Variants in KCNMA1 observed in about 807,000 individuals in gnomAD.
KCNMA1 encodes potassium calcium-activated channel subfamily M alpha 1.
Under a neutral mutation model 140.0 loss-of-function variants are expected in KCNMA1, and 29 were observed. The observed-to-expected ratio is 0.21, with a 90% confidence interval of 0.15 to 0.28. The LOEUF is 0.28. Among genes scored for constraint, KCNMA1 ranks in the 10% least tolerant of loss-of-function variants. The probability of loss-of-function intolerance (pLI) is 1.00; values close to 1 mark genes in which losing one functional copy is unlikely to be tolerated. For synonymous variants in KCNMA1, 612 were observed against 611.9 expected, an observed-to-expected ratio of 1.00 and a Z score of 0.00; for missense variants, 880 against 1,602.2, an observed-to-expected ratio of 0.55 and a Z score of 7.70.
At chr10:77,357,320 T>C (rs2093580437) in intron 2 of KCNMA1, among the ~76,000 whole-genome samples, 1 of 152,218 alleles carries the variant, frequency 6.6e-6, no homozygotes, top group Non-Finnish European at 1.5e-5. Flanking sequence ...TTGCCATCAG[T>C]TAACAGATCC....
At chr10:77,619,314 GTCTCTCTCTC>G (rs61564819) in intron 1 of KCNMA1, among the ~76,000 whole-genome samples, 1,044 of 91,540 alleles carry the variant, frequency 0.011, 13 homozygotes, top group African/African-American at 0.066. Flanking sequence ...CTGTCTGTCT[GTCTCTCTCTC>G]TCTCTCTCTC....
At chr10:77,455,011 G>A (rs985579540) in intron 1 of KCNMA1, among the ~76,000 whole-genome samples, 1 of 152,204 alleles carries the variant, frequency 6.6e-6, no homozygotes, top group African/African-American at 2.4e-5. Flanking sequence ...CCTTGTGGCA[G>A]TTGGCTTTAA....
intron 1 of KCNMA1, among the ~76,000 whole-genome samples, chr10:77,485,445 G>A (rs183863648): frequency 1.8e-4 from 28 of 152,290 alleles, no homozygotes; most frequent in East Asian, 5.8e-4. Flanking sequence ...CTGACCGAGC[G>A]TGTCTGAAGA....
At chr10:77,148,118 C>T (rs1253330886) in intron 5 of KCNMA1, among the ~76,000 whole-genome samples, 1 of 152,168 alleles carries the variant, frequency 6.6e-6, no homozygotes, top group Non-Finnish European at 1.5e-5. Context: ...CCTCATCCTG[C>T]ACCTGCCATG....
At chr10:77,623,373 T>A (rs2091871735) in intron 1 of KCNMA1, among the ~76,000 whole-genome samples, 1 of 152,144 alleles carries the variant, frequency 6.6e-6, no homozygotes, top group Non-Finnish European at 1.5e-5. Flanking sequence ...CAATCACTAT[T>A]GTCTAAATTT....
intron 2 of KCNMA1, among the ~76,000 whole-genome samples, chr10:77,349,841 T>A (rs540168304): frequency 6.6e-6 from 1 of 152,342 alleles, no homozygotes; most frequent in South Asian, 2.1e-4. Flanking sequence ...GTCCATTTTT[T>A]TAAAGAGCTC....
intron 3 of KCNMA1, among the ~76,000 whole-genome samples, chr10:77,191,805 G>C (rs186571120): frequency 1.3e-5 from 2 of 152,188 alleles, no homozygotes; most frequent in Admixed American, 6.5e-5. Flanking sequence ...CTGCAGTACT[G>C]ATCGATTATG....
At chr10:77,354,842 G>C (rs1375739187) in intron 2 of KCNMA1, among the ~76,000 whole-genome samples, 1 of 152,182 alleles carries the variant, frequency 6.6e-6, no homozygotes, top group Non-Finnish European at 1.5e-5. Flanking sequence ...TTATGTCTTG[G>C]AGCTATATAG....
At chr10:77,621,025 G>A (rs760266157) in intron 1 of KCNMA1, among the ~76,000 whole-genome samples, 184 of 152,316 alleles carry the variant, frequency 1.2e-3, no homozygotes, top group South Asian at 3.3e-3. Flanking sequence ...ATAAAGATTT[G>A]CTAACTAACC....
At chr10:77,560,902 T>C (rs1404089413) in intron 1 of KCNMA1, among the ~76,000 whole-genome samples, 2 of 152,258 alleles carry the variant, frequency 1.3e-5, no homozygotes, top group South Asian at 2.1e-4. Flanking sequence ...AGCAAACAAC[T>C]AGATCTTTCT....
rs532755165 is a variant in KCNMA1 at position 77,127,612 on chromosome 10, GGGAGAGAA to G, written c.809-6572_809-6565del. 2.9e-3 allele frequency among the ~76,000 whole-genome samples: 433 copies of G among 151,612 alleles called. 2 individuals carry two copies. Among genetic ancestry groups the G allele is most frequent in the Middle Eastern group, 6.8e-3 (2 of 294 alleles). Reference sequence around the variant, plus strand: ...AGGAAAGAAGGCATGAAGGCAAGAAGGGAGAGAAGGAGAGAAGGCAGGAAGGCAGGAAG... The same window carrying G: ...AGGAAAGAAGGCATGAAGGCAAGAAGGGAGAGAAGGCAGGAAGGCAGGAAG... On this transcript the variant is annotated intron_variant, in intron 5 of 27. Coordinates refer to ENST00000286628, the MANE Select transcript of KCNMA1 (RefSeq NM_001161352.2).
chr10:77,407,361 G>T (rs2096503938), intron 1 of KCNMA1, among the ~76,000 whole-genome samples: 1 of 152,192 alleles, frequency 6.6e-6, no homozygotes, highest in African/African-American at 2.4e-5. Flanking sequence ...ATGCTCCAAA[G>T]AAAAAGCAGA....
rs185987690 is a variant in KCNMA1, at chr10:77,254,388, A to G, written c.541-3132T>C. On this transcript the variant is annotated intron_variant, in intron 2 of 27. Coordinates refer to ENST00000286628, the MANE Select transcript of KCNMA1 (RefSeq NM_001161352.2). ...AGGTGCCTGCCACCATACCCGGCTAATTTTTTGTATTTTTAGTAGAGAGGG... is the reference window on the plus strand; with the variant it reads ...AGGTGCCTGCCACCATACCCGGCTAGTTTTTTGTATTTTTAGTAGAGAGGG... Among the ~76,000 whole-genome samples the G allele has an allele frequency of 1.6e-3, 250 of 151,896 alleles. 2 individuals are homozygous for G. The highest frequency in any genetic ancestry group is 5.7e-3 in the African/African-American group (237 of 41,448).
chr10:77,187,731 C>A (rs1598279326), intron 3 of KCNMA1, among the ~76,000 whole-genome samples: 1 of 152,204 alleles, frequency 6.6e-6, no homozygotes, highest in East Asian at 1.9e-4. Flanking sequence ...ACTTTCTATC[C>A]CTTTTAGCTA....
At chr10:77,555,599 C>T (rs1473163075) in intron 1 of KCNMA1, among the ~76,000 whole-genome samples, 1 of 152,314 alleles carries the variant, frequency 6.6e-6, no homozygotes, top group East Asian at 1.9e-4. Flanking sequence ...AAGAGCTTCT[C>T]ACAGCTTTAA....
At chr10:77,283,976 T>A (rs1601206133) in intron 2 of KCNMA1, among the ~76,000 whole-genome samples, 2 of 152,138 alleles carry the variant, frequency 1.3e-5, no homozygotes, top group East Asian at 3.9e-4. Context: ...GTGAAAGGCG[T>A]GTGCTGTGGG....
chr10:77,324,971 C>CTCTCTCTCTCTCTCTCTGTGTG (rs766240356), intron 2 of KCNMA1, among the ~76,000 whole-genome samples: 6 of 90,378 alleles, frequency 6.6e-5, no homozygotes, highest in Non-Finnish European at 1.3e-4. Flanking sequence ...CTCTCTCTCT[C>CTCTCTCTCTCTCTCTCTGTGTG]TGTGTGTGTG....
chr10:77,127,686 T>G (rs925540629), intron 5 of KCNMA1, among the ~76,000 whole-genome samples: 1 of 151,930 alleles, frequency 6.6e-6, no homozygotes, highest in Non-Finnish European at 1.5e-5. Flanking sequence ...AGAATCCCAA[T>G]TTGAGGTCGG....
At chr10:77,112,801 TC>T (rs908993235) in intron 6 of KCNMA1, among the ~76,000 whole-genome samples, 9 of 151,880 alleles carry the variant, frequency 5.9e-5, no homozygotes, top group East Asian at 1.9e-4. Flanking sequence ...TTTTCTCTTA[TC>T]CCCCCCGCCC....
Sources: gnomAD v4.1 joint callset for allele counts (sites outside exome capture counted in the v4.1 genomes callset) on GRCh38, gnomAD v4.1.1 for gene constraint, MANE v1.5 for transcripts, NCBI Gene and HGNC (gene_info 2026-07-23, HGNC 2026-07-21) for gene names.